Variants in MTMR10 observed in about 807,000 individuals in gnomAD.
The protein encoded by MTMR10 is myotubularin-related protein 10.
In MTMR10, 56 loss-of-function variants were observed where a neutral mutation model predicts 88.1. The ratio of observed to expected loss-of-function variants is 0.64; its 90% confidence interval spans 0.51 to 0.79. The LOEUF (loss-of-function observed/expected upper bound fraction) is 0.79, where lower values mean the gene tolerates loss of function less well. Ranked by LOEUF, MTMR10 falls within the 30% of genes least tolerant of loss-of-function variation. The pLI is 0.00. For missense variants in MTMR10, 883 were observed against 924.7 expected (o/e 0.95, Z 0.58); for synonymous variants, 380 against 340.9 (o/e 1.11, Z -1.26).
chr15:30,991,280 G>C, intron 1 of MTMR10, 167 bp downstream of exon 1: 1 of 612,178 alleles, frequency 1.6e-6, no homozygotes, highest in East Asian at 3.4e-5. Context: ...AGCCAGTGGG[G>C]GCTCCCGAGA....
At chr15:30,977,049 T>A (rs2030207295) in intron 2 of MTMR10, 94 bp from the exon 3 acceptor site, 4 of 1,192,324 alleles carry the variant, frequency 3.4e-6, no homozygotes, top group Non-Finnish European at 4.7e-6. Context: ...AGGGCAAGGA[T>A]GAGGATAGTG....
At chr15:30,937,141 A>T (rs759569636), downstream of MTMR10, 4 of 1,613,428 alleles carry the variant, frequency 2.5e-6, no homozygotes, top group African/African-American at 5.3e-5. Context: ...AAAGGCCCCA[A>T]TGATCGTCTT....
chr15:30,945,903 C>T (rs2063163731), intron 14 of MTMR10, among the ~76,000 whole-genome samples: 1 of 152,222 alleles, frequency 6.6e-6, no homozygotes, highest in Non-Finnish European at 1.5e-5. Context: ...ATCCTCCCAC[C>T]TCAGCCTCCC....
the MTMR10 span, chr15:30,920,568 TC>T: frequency 6.2e-7 from 1 of 1,611,976 alleles, no homozygotes; most frequent in Non-Finnish European, 8.5e-7. Flanking sequence ...TTACCACTCT[TC>T]CTGCGGTGTT....
At chr15:30,975,061 T>C (rs2141049763) in intron 3 of MTMR10, 58 bp from the exon 4 acceptor site, 5 of 1,283,878 alleles carry the variant, frequency 3.9e-6, no homozygotes, top group East Asian at 5.1e-5. Context: ...ACAATGGTAG[T>C]ATAAGCCTTA....
chr15:30,921,733 A>G, the MTMR10 span, among the ~76,000 whole-genome samples: 3 of 152,200 alleles, frequency 2.0e-5, no homozygotes, highest in Admixed American at 1.3e-4. Flanking sequence ...GAAGATTAAC[A>G]AACAGAATGA....
intron 9 of MTMR10, among the ~76,000 whole-genome samples, chr15:30,957,981 T>C (rs2063350485): frequency 2.0e-5 from 3 of 151,874 alleles, no homozygotes; most frequent in East Asian, 1.9e-4. Context: ...TGAGGAGGGA[T>C]TGGTGATGGG....
chr15:30,963,720 T>C (rs552654653), intron 6 of MTMR10, among the ~76,000 whole-genome samples: 23 of 146,736 alleles, frequency 1.6e-4, no homozygotes, highest in Non-Finnish European at 3.5e-4. Flanking sequence ...GCCCACATCC[T>C]AGAGTCCCAC....
rs2062991650 is a variant in MTMR10, at chr15:30,940,184, T to C, written c.*1286A>G. ...TGTTTTAAGCGGGGAATGAGGAGTG[T>C]GGGGGAGGTGGTGCCCCGTTTCACT... On this transcript the variant is annotated 3_prime_UTR_variant, in exon 16 of 16. Coordinates refer to ENST00000435680, the MANE Select transcript of MTMR10 (RefSeq NM_017762.3). 1 of 985,232 alleles carries C rather than the reference T, an allele frequency of 1.0e-6. No homozygotes were observed. Among genetic ancestry groups the C allele is most frequent in the Non-Finnish European group, 1.2e-6 (1 of 829,922 alleles). The allele number at this position is 985,232 out of a possible 1,614,324, so 61.0% of individuals were successfully genotyped here. A position where few individuals can be genotyped will look rare whatever the true frequency, so the allele number is the denominator to read the frequency against.
Position 30,941,363 on chromosome 15 carries a change from A to ATTCT in MTMR10, c.*103_*106dup. 4.6e-6 allele frequency: 7 copies of ATTCT among 1,538,060 alleles called. No homozygotes were observed. Among genetic ancestry groups the ATTCT allele is most frequent in the East Asian group, 2.4e-5 (1 of 41,134 alleles). On this transcript the variant is annotated 3_prime_UTR_variant, in exon 16 of 16. Coordinates refer to ENST00000435680, the MANE Select transcript of MTMR10 (RefSeq NM_017762.3). ...AATATTAGTGCAAATTCCAACTATT[A>ATTCT]TTCTTACATATAAAGTTATTAGAGA...
At chr15:30,969,640 A>G (rs1445322278) in intron 5 of MTMR10, among the ~76,000 whole-genome samples, 1 of 152,142 alleles carries the variant, frequency 6.6e-6, no homozygotes, top group Non-Finnish European at 1.5e-5. Flanking sequence ...ATTACCTTCT[A>G]ACGATGTAAT....
the MTMR10 span, among the ~76,000 whole-genome samples, chr15:30,921,231 G>A: frequency 2.0e-5 from 3 of 152,152 alleles, no homozygotes; most frequent in Non-Finnish European, 4.4e-5. Context: ...TGGCCTGGGG[G>A]TGGCGGCCAC....
the MTMR10 span, among the ~76,000 whole-genome samples, chr15:30,929,796 T>TATATAA: frequency 3.6e-5 from 1 of 27,532 alleles, no homozygotes; most frequent in African/African-American, 1.5e-4. Flanking sequence ...ATATATAATA[T>TATATAA]AATATATAAA....
At chr15:30,989,590 T>G (rs920896386) in intron 2 of MTMR10, among the ~76,000 whole-genome samples, 1 of 151,780 alleles carries the variant, frequency 6.6e-6, no homozygotes, top group African/African-American at 2.4e-5. Context: ...TTTCAGGTTT[T>G]TTTTTTTTTT....
intron 12 of MTMR10, chr15:30,949,814 C>T (rs1276444741): frequency 3.9e-5 from 6 of 152,156 alleles, no homozygotes; most frequent in African/African-American, 1.4e-4. Context: ...ATACACACTA[C>T]ATGAATGAAC....
the MTMR10 span, chr15:30,929,248 C>T: frequency 2.0e-5 from 32 of 1,613,232 alleles, no homozygotes; most frequent in African/African-American, 1.1e-4. Flanking sequence ...CACAAGCAGA[C>T]GCCCAGCCCT....
At chr15:30,961,106 A>G (rs1339364676) in intron 6 of MTMR10, 33 bp from the exon 7 acceptor site, 3 of 1,524,124 alleles carry the variant, frequency 2.0e-6, no homozygotes, top group Admixed American at 2.0e-5. Context: ...GAATTTTAAC[A>G]GTCACATTTT....
intron 6 of MTMR10, among the ~76,000 whole-genome samples, chr15:30,965,075 T>G (rs1224333380): frequency 6.6e-6 from 1 of 152,228 alleles, no homozygotes; most frequent in Non-Finnish European, 1.5e-5. Flanking sequence ...GATTCTGACC[T>G]GTGCTGGAGC....
chr15:30,934,029 G>A (rs571212795), downstream of MTMR10, among the ~76,000 whole-genome samples: 3 of 151,994 alleles, frequency 2.0e-5, no homozygotes, highest in South Asian at 2.1e-4. Flanking sequence ...AGAGTATACC[G>A]TGCCCAGCCA....
Sources: allele counts gnomAD v4.1 joint callset (sites outside exome capture counted in the v4.1 genomes callset), GRCh38; gene constraint gnomAD v4.1.1; transcripts MANE v1.5; gene names NCBI Gene and HGNC (gene_info 2026-07-23, HGNC 2026-07-21).